The following PTPRD variants were observed in gnomAD, a reference collection of about 807,000 sequenced individuals.
The protein encoded by PTPRD is protein tyrosine phosphatase receptor type D.
Under a neutral mutation model 214.5 loss-of-function variants are expected in PTPRD, and 34 were observed. The ratio of observed to expected loss-of-function variants is 0.16; its 90% CI spans 0.12 to 0.21. The LOEUF is 0.21. Ranked by LOEUF, PTPRD falls within the 10% of genes least tolerant of loss-of-function variation. PTPRD has a pLI of 1.00. For missense variants in PTPRD, 2,545 were observed against 2,398.7 expected (o/e 1.06, Z -1.27); for synonymous variants, 1,128 against 845.7 (o/e 1.33, Z -5.79).
chr9:9,635,427 C>CTATATA (rs1325814141), intron 7 of PTPRD, among the ~76,000 whole-genome samples: 2 of 152,126 alleles, frequency 1.3e-5, no homozygotes, highest in Non-Finnish European at 2.9e-5. Context: ...CTAGTGCTTC[C>CTATATA]TATAGAAACA....
At chr9:8,581,790 G>T (rs1055584444) in intron 14 of PTPRD, among the ~76,000 whole-genome samples, 6 of 149,566 alleles carry the variant, frequency 4.0e-5, no homozygotes, top group African/African-American at 1.5e-4. Context: ...GAAGGGGAGG[G>T]GAGGAGAGGT....
intron 43 of PTPRD, 104 bp from the exon 44 acceptor site, chr9:8,331,840 A>C: frequency 1.4e-6 from 2 of 1,381,492 alleles, no homozygotes; most frequent in Non-Finnish European, 1.9e-6. Flanking sequence ...CGAAAACAAA[A>C]AGGGTAGAAA....
chr9:9,820,370 G>C (rs1214393992), intron 5 of PTPRD, among the ~76,000 whole-genome samples: 2 of 152,054 alleles, frequency 1.3e-5, no homozygotes, highest in African/African-American at 4.8e-5. Flanking sequence ...GTTCCTTGTA[G>C]ATTGTGAATA....
At chr9:10,510,893 A>G (rs1335802618) in intron 2 of PTPRD, among the ~76,000 whole-genome samples, 1 of 152,058 alleles carries the variant, frequency 6.6e-6, no homozygotes, top group Admixed American at 6.6e-5. Context: ...TCACCATTCT[A>G]TTCACTACCT....
intron 7 of PTPRD, among the ~76,000 whole-genome samples, chr9:9,665,081 TAAGA>T (rs1348686984): frequency 6.6e-6 from 1 of 151,640 alleles, no homozygotes; most frequent in Non-Finnish European, 1.5e-5. Flanking sequence ...GAATGATACA[TAAGA>T]AAGAGTATTT....
At chr9:8,390,751 A>G (rs2089236873) in intron 36 of PTPRD, among the ~76,000 whole-genome samples, 1 of 152,150 alleles carries the variant, frequency 6.6e-6, no homozygotes, top group Non-Finnish European at 1.5e-5. Flanking sequence ...TCTTCCAAGA[A>G]GAGGAGCCAC....
At chr9:8,598,569 T>C (rs1658545591) in intron 14 of PTPRD, among the ~76,000 whole-genome samples, 1 of 152,212 alleles carries the variant, frequency 6.6e-6, no homozygotes, top group South Asian at 2.1e-4. Flanking sequence ...GAAAGCATAA[T>C]ATTTTTGACC....
chr9:10,421,223 C>T (rs892192839), intron 2 of PTPRD, among the ~76,000 whole-genome samples: 11 of 151,924 alleles, frequency 7.2e-5, no homozygotes, highest in East Asian at 3.9e-4. Context: ...CTGCAGATTA[C>T]GGGAGGAGTT....
intron 3 of PTPRD, among the ~76,000 whole-genome samples, chr9:10,328,974 T>C (rs1286808249): frequency 6.6e-6 from 1 of 151,832 alleles, no homozygotes; most frequent in African/African-American, 2.4e-5. Context: ...ATATACTGTA[T>C]CAGCTCTTCA....
chr9:8,869,069 A>C (rs2154547274), intron 11 of PTPRD, among the ~76,000 whole-genome samples: 1 of 152,322 alleles, frequency 6.6e-6, no homozygotes, highest in South Asian at 2.1e-4. Flanking sequence ...TAAAACAAGA[A>C]GAGAAACAAA....
At chr9:10,244,755 T>C (rs1252899635) in intron 3 of PTPRD, among the ~76,000 whole-genome samples, 2 of 152,212 alleles carry the variant, frequency 1.3e-5, no homozygotes, top group East Asian at 1.9e-4. Flanking sequence ...GGGAGAGAAG[T>C]AGGTTTGCAC....
intron 7 of PTPRD, among the ~76,000 whole-genome samples, chr9:9,719,972 A>G (rs78064270): frequency 0.022 from 3,295 of 152,192 alleles, 130 homozygotes; most frequent in African/African-American, 0.074. Context: ...CCCACGCTTG[A>G]TTGTTTACAC....
At chr9:9,231,187 A>T (rs905862268) in intron 9 of PTPRD, among the ~76,000 whole-genome samples, 4 of 152,166 alleles carry the variant, frequency 2.6e-5, no homozygotes, top group African/African-American at 7.2e-5. Context: ...TTTAAAAGAT[A>T]GTCTCAGTAC....
chr9:9,180,808 T>C (rs760447833), intron 10 of PTPRD, among the ~76,000 whole-genome samples: 1 of 152,092 alleles, frequency 6.6e-6, no homozygotes, highest in Non-Finnish European at 1.5e-5. Flanking sequence ...ATAAAGTGTA[T>C]TGAGCTTCAC....
chr9:9,964,422 G>T (rs577241711), intron 4 of PTPRD, among the ~76,000 whole-genome samples: 10 of 152,076 alleles, frequency 6.6e-5, no homozygotes, highest in African/African-American at 2.4e-4. Flanking sequence ...TTTTCTTTCC[G>T]TATAATTCCA....
intron 14 of PTPRD, among the ~76,000 whole-genome samples, chr9:8,555,887 G>C (rs2083587467): frequency 6.6e-6 from 1 of 152,148 alleles, no homozygotes; most frequent in Admixed American, 6.5e-5. Flanking sequence ...GTCCATCTTG[G>C]ACTTTATATT....
intron 8 of PTPRD, among the ~76,000 whole-genome samples, chr9:9,466,784 G>A (rs1051012087): frequency 2.6e-5 from 4 of 152,094 alleles, no homozygotes; most frequent in African/African-American, 4.8e-5. Flanking sequence ...TGTGCAAAAT[G>A]CCTTACTAAT....
intron 11 of PTPRD, among the ~76,000 whole-genome samples, chr9:8,977,531 C>T (rs1428435753): frequency 6.6e-6 from 1 of 151,966 alleles, no homozygotes. Context: ...TGAAAAGTTC[C>T]CTTTCATTCT....
intron 14 of PTPRD, among the ~76,000 whole-genome samples, chr9:8,584,924 C>G (rs1248260402): frequency 1.3e-5 from 2 of 152,142 alleles, no homozygotes; most frequent in Non-Finnish European, 2.9e-5. Flanking sequence ...GGAAAAGTCC[C>G]TTATAAAACC....
Sources: gnomAD v4.1 joint callset for allele counts (sites outside exome capture counted in the v4.1 genomes callset) on GRCh38, gnomAD v4.1.1 for gene constraint, MANE v1.5 for transcripts, NCBI Gene and HGNC (gene_info 2026-07-23, HGNC 2026-07-21) for gene names.